The following ZNF492 variants were observed in gnomAD, a reference collection of about 807,000 sequenced individuals.
ZNF492 encodes zinc finger protein 492.
ZNF492 carries 3 observed loss-of-function variants against 6.4 expected under a neutral mutation model. The ratio of observed to expected loss-of-function variants is 0.47; its 90% CI spans 0.21 to 1.22. The LOEUF (loss-of-function observed/expected upper bound fraction) is 1.22, where lower values mean the gene tolerates loss of function less well. Among genes scored for constraint, ZNF492 ranks in the 50% most tolerant of loss-of-function variants. The pLI is 0.22. For synonymous variants in ZNF492, 112 were observed against 205.3 expected (o/e 0.55, Z 3.89); for missense variants, 356 against 612.5 (o/e 0.58, Z 4.42).
intron 1 of ZNF492, among the ~76,000 whole-genome samples, chr19:22,650,104 G>A (rs1462298160): frequency 6.6e-6 from 1 of 152,116 alleles, no homozygotes; most frequent in Non-Finnish European, 1.5e-5. Flanking sequence ...CTTTGATGGG[G>A]TTCTTGTGGG....
rs374908672 is a variant in ZNF492, at chr19:22,663,999, C to T, written c.330C>T (p.Asn110=). ...GLNQCLTTTQ[N]KIFQCDKYVK... ...ACCAGTGTTTGACGACTACCCAGAA[C>T]AAAATATTTCAATGTGACAAATATG... The change falls in exon 4 of 4, where the codon AAC becomes AAT. Residue 110 remains asparagine (N), a synonymous_variant. Transcript: ENST00000456783. 2.2e-4 allele frequency: 357 copies of T among 1,610,718 alleles called. 5 individuals carry two copies. In the South Asian group the frequency reaches 3.0e-3, roughly 13 times the overall value.
chr19:22,657,763 AT>A (rs1383643552), intron 3 of ZNF492, among the ~76,000 whole-genome samples: 2 of 152,096 alleles, frequency 1.3e-5, no homozygotes, highest in African/African-American at 4.8e-5. Flanking sequence ...CTGTTTTTAC[AT>A]GTAAGTCGGT....
At chr19:22,663,016 A>G (rs78599636) in intron 3 of ZNF492, among the ~76,000 whole-genome samples, 58 of 152,202 alleles carry the variant, frequency 3.8e-4, no homozygotes, top group African/African-American at 1.2e-3. Context: ...GCCCATACCT[A>G]TGTCCTGAAT....
intron 1 of ZNF492, among the ~76,000 whole-genome samples, chr19:22,642,989 C>T (rs1251914433): frequency 1.3e-5 from 2 of 152,072 alleles, no homozygotes; most frequent in African/African-American, 2.4e-5. Flanking sequence ...AAGGTCTGGC[C>T]GTGGTGGCTC....
chr19:22,635,299 A>G (rs981977582), intron 1 of ZNF492, among the ~76,000 whole-genome samples: 1 of 152,190 alleles, frequency 6.6e-6, no homozygotes, highest in South Asian at 2.1e-4. Context: ...CAGGTTCTCA[A>G]GTCAACCCCC....
intron 3 of ZNF492, among the ~76,000 whole-genome samples, chr19:22,661,639 C>T (rs1378330357): frequency 6.6e-6 from 1 of 152,040 alleles, no homozygotes; most frequent in Non-Finnish European, 1.5e-5. Context: ...TCCTGTCACC[C>T]AGGCTGCAGT....
At chr19:22,653,573 G>T in intron 2 of ZNF492, 140 bp downstream of exon 2, 3 of 1,167,308 alleles carry the variant, frequency 2.6e-6, no homozygotes, top group Non-Finnish European at 3.6e-6. Flanking sequence ...ATGTAGAAAA[G>T]AATTTCAAGA....
chr19:22,667,136 G>T lies in ZNF492; in HGVS notation c.*1871G>T, dbSNP rs1302853280. 3 of 152,280 alleles carry T rather than the reference G, an allele frequency of 2.0e-5. No individual in the cohort carries two copies. The highest frequency in any genetic ancestry group is 4.4e-5 in the Non-Finnish European group (3 of 68,096). The allele number at this position is 152,280 out of a possible 1,614,324, so 9.4% of individuals were successfully genotyped here. On this transcript the variant is annotated 3_prime_UTR_variant, in exon 4 of 4. Coordinates refer to ENST00000456783, the MANE Select transcript of ZNF492 (RefSeq NM_020855.3). ...CCAGCTACTCGGGAGGCTGAGGCAG[G>T]AGAATCACTTGAACCCGGGAAGCAG...
chr19:22,664,255 C>T lies in ZNF492; in HGVS notation c.586C>T (p.Pro196Ser), dbSNP rs1263407364. The T allele has an allele frequency of 3.1e-6, 5 of 1,607,140 alleles. No homozygotes were observed. Among genetic ancestry groups the T allele is most frequent in the Non-Finnish European group, 4.3e-6 (5 of 1,176,324 alleles). The change falls in exon 4 of 4, where the codon CCC (proline) becomes TCC (serine). Residue 196 changes from proline to serine, a missense_variant. Pro to Ser is a moderately conservative substitution (Grantham distance 74). Coordinates refer to ENST00000456783, the MANE Select transcript of ZNF492 (RefSeq NM_020855.3). ...TAAAAGAATTCATACTGGAAAGAAA[C>T]CCTACAAATGCGAAGAGTGTGGAAA... The part of the protein sequence containing the change: ...THKRIHTGKK[P>S]YKCEECGKAF...
chr19:22,665,414 T>G lies in ZNF492; in HGVS notation c.*149T>G. The stretch of plus-strand genomic sequence containing the variant: ...CAAACCTTATTGCACAGGAAAGCCT[T>G]TATACTTGAGAACAAATGTACAAAT... On this transcript the variant is annotated 3_prime_UTR_variant, in exon 4 of 4. Coordinates refer to ENST00000456783, the MANE Select transcript of ZNF492 (RefSeq NM_020855.3). The G allele has an allele frequency of 3.5e-6, 5 of 1,424,466 alleles. No homozygotes were observed. The highest frequency in any genetic ancestry group is 3.7e-6 in the Non-Finnish European group (4 of 1,077,842). 88.2% of individuals were successfully genotyped at this position (1,424,466 alleles called of 1,614,324 possible). A position where few individuals can be genotyped will look rare whatever the true frequency, so the allele number is the denominator to read the frequency against.
In ZNF492 at chr19:22,663,970, C is replaced by T. The variant is rs1972087453; in HGVS notation, c.301C>T (p.Leu101Phe). Residue 101 changes from leucine (L) to phenylalanine (F), a missense_variant, in exon 4 of 4, where the codon CTT becomes TTT. Physicochemically the swap from Leu to Phe is conservative, Grantham distance 22 (BLOSUM62 0). This residue lies in a region of ZNF492 where 196 missense variants were observed against 219.4 expected (regional missense o/e 0.89). Transcript: ENST00000456783. ...CKVHKECYNG[L>F]NQCLTTTQNK... ...GGTGCACAAAGAATGTTACAATGGA[C>T]TTAACCAGTGTTTGACGACTACCCA... The T allele has an allele frequency of 1.2e-6, 2 of 1,612,406 alleles. No individual in the cohort carries two copies. Among genetic ancestry groups the T allele is most frequent in the Non-Finnish European group, 8.5e-7 (1 of 1,179,136 alleles).
At chr19:22,636,823 G>A (rs1389437808) in intron 1 of ZNF492, among the ~76,000 whole-genome samples, 90 of 140,590 alleles carry the variant, frequency 6.4e-4, no homozygotes, top group African/African-American at 7.2e-4. Flanking sequence ...TAGTAGAGAC[G>A]GGGTTTCACC....
intron 1 of ZNF492, among the ~76,000 whole-genome samples, chr19:22,651,554 TCCTACATACC>T (rs1484394307): frequency 1.2e-4 from 18 of 152,046 alleles, no homozygotes; most frequent in Non-Finnish European, 2.2e-4. Context: ...AATATTTCTT[TCCTACATACC>T]AGAGTCTTCT....
chr19:22,653,339 A>C lies in ZNF492; in HGVS notation c.-61A>C. The C allele has an allele frequency of 6.2e-7, 1 of 1,613,666 alleles. No individual in the cohort carries two copies. The highest frequency in any genetic ancestry group is 8.5e-7 in the Non-Finnish European group (1 of 1,179,874). The stretch of plus-strand genomic sequence containing the variant: ...TGACATTTAGGGATGTGGCCATAGA[A>C]TTCTCTCTGGAGGAGTGGCAATGCC... On this transcript the variant is annotated 5_prime_UTR_variant, in exon 2 of 4. Coordinates refer to ENST00000456783, the MANE Select transcript of ZNF492 (RefSeq NM_020855.3).
rs201831166 is a variant in ZNF492 at position 22,655,675 on chromosome 19, A to ATTTTTTTTTTT, written c.130+1669_130+1679dup. Among the ~76,000 whole-genome samples the ATTTTTTTTTTT allele has an allele frequency of 1.5e-3, 161 of 109,372 alleles. 5 individuals are homozygous for ATTTTTTTTTTT. Among genetic ancestry groups the ATTTTTTTTTTT allele is most frequent in the African/African-American group, 5.7e-3 (139 of 24,558 alleles). The allele number at this position is 109,372 out of a possible 152,430, so 71.8% of individuals were successfully genotyped here. A position where few individuals can be genotyped will look rare whatever the true frequency, so the allele number is the denominator to read the frequency against. On this transcript the variant is annotated intron_variant, in intron 3 of 3. Coordinates refer to ENST00000456783, the MANE Select transcript of ZNF492 (RefSeq NM_020855.3). ...ATTTGTCTTCAATTTCAGTGACTTA[A>ATTTTTTTTTTT]TTTTTTTTTTTTTTTTTTTACTTAT...
chr19:22,636,376 A>G (rs1984783), intron 1 of ZNF492, among the ~76,000 whole-genome samples: 29,415 of 151,988 alleles, frequency 0.19, 3,709 homozygotes, highest in African/African-American at 0.37. Flanking sequence ...GATTACAGGC[A>G]TGAGCCACCG....
At chr19:22,650,454 G>A (rs544228913) in intron 1 of ZNF492, among the ~76,000 whole-genome samples, 1 of 151,618 alleles carries the variant, frequency 6.6e-6, no homozygotes, top group African/African-American at 2.4e-5. Flanking sequence ...GGTGGAGGGG[G>A]TATGCTTCAC....
chr19:22,634,544 G>T (rs1048990782), intron 1 of ZNF492, 70 bp downstream of exon 1: 4 of 1,319,244 alleles, frequency 3.0e-6, no homozygotes, highest in African/African-American at 1.5e-5. Flanking sequence ...AAGAGGCTGT[G>T]GCGGGACTCA....
At position 22,653,419 on chromosome 19, in the gene ZNF492, A is replaced by G. The variant is rs1397050777; in HGVS notation, c.20A>G (p.Asn7Ser). 6.2e-7 allele frequency: 1 copy of G among 1,613,762 alleles called. No homozygotes were observed. The highest frequency in any genetic ancestry group is 1.3e-5 in the African/African-American group (1 of 74,806). Residue 7 changes from asparagine to serine, a missense_variant, in exon 2 of 4, where the codon AAC (asparagine) becomes AGC (serine). Asn to Ser is a conservative substitution (Grantham distance 46). Transcript: ENST00000456783. ...AATGTGATGTTAGAGAACTACAGAA[A>G]CCTGGTCTTCGTGGGTGAGGATAAC... The part of the protein sequence containing the change: MLENYR[N>S]LVFVGIAASK...
Sources: gnomAD v4.1 joint callset for allele counts (sites outside exome capture counted in the v4.1 genomes callset) on GRCh38, gnomAD v4.1.1 for gene constraint, gnomAD v4.1.1 regional missense constraint, MANE v1.5 for transcripts, NCBI Gene and HGNC (gene_info 2026-07-23, HGNC 2026-07-21) for gene names.